FAT4: variants seen among roughly 807,000 people sequenced by gnomAD.
FAT4 encodes the protein FAT atypical cadherin 4, also known as protocadherin Fat 4.
Under a neutral mutation model 303.9 loss-of-function variants are expected in FAT4, and 84 were observed. That is an observed-to-expected ratio of 0.28 (90% confidence interval 0.23 to 0.33). The LOEUF (loss-of-function observed/expected upper bound fraction) is 0.33. Among genes scored for constraint, FAT4 ranks in the 10% least tolerant of loss-of-function variants. The probability of loss-of-function intolerance (pLI) is 1.00; values close to 1 mark genes in which losing one functional copy is unlikely to be tolerated. For missense variants in FAT4, 6,005 were observed against 6,146.8 expected, an observed-to-expected ratio of 0.98 and a Z score of 0.77; for synonymous variants, 2,307 against 2,298.8, an observed-to-expected ratio of 1.00 and a Z score of -0.10.
At chr4:125,427,220 A>G (rs934178580) in intron 7 of FAT4, among the ~76,000 whole-genome samples, 1 of 151,728 alleles carries the variant, frequency 6.6e-6, no homozygotes, top group South Asian at 2.1e-4. Flanking sequence ...AGATGTACTT[A>G]TCATTACATT....
At chr4:125,359,748 G>A (rs1245945928) in intron 2 of FAT4, among the ~76,000 whole-genome samples, 1 of 152,158 alleles carries the variant, frequency 6.6e-6, no homozygotes, top group Non-Finnish European at 1.5e-5. Flanking sequence ...ATAGTGAAAG[G>A]TAACTATGTG....
rs1726012227 is a variant in FAT4, at chr4:125,450,385, G to T, written c.9375G>T (p.Leu3125Phe). Residue 3125 changes from leucine (L) to phenylalanine (F), a missense_variant, in exon 10 of 18, where the codon TTG (leucine) becomes TTT (phenylalanine). Leu to Phe is a conservative substitution (Grantham distance 22). Transcript: ENST00000394329. The part of the protein sequence containing the change: ...ARDRDAAMNG[L>F]IKYSISSGNE... ...ATAGAGATGCAGCGATGAATGGCTT[G>T]ATTAAGTACAGCATTTCTTCAGGAA... 6.2e-7 allele frequency: 1 copy of T among 1,613,942 alleles called. No homozygotes were observed. Among genetic ancestry groups the T allele is most frequent in the African/African-American group, 1.3e-5 (1 of 74,922 alleles).
At chr4:125,367,684 C>G (rs987529783) in intron 2 of FAT4, among the ~76,000 whole-genome samples, 3 of 152,042 alleles carry the variant, frequency 2.0e-5, no homozygotes, top group Non-Finnish European at 4.4e-5. Context: ...CAGTCAGTTT[C>G]CATGAGAGAT....
At chr4:125,337,662 C>T (rs1240786129) in intron 2 of FAT4, among the ~76,000 whole-genome samples, 1 of 151,970 alleles carries the variant, frequency 6.6e-6, no homozygotes, top group Admixed American at 6.6e-5. Flanking sequence ...TATGTAAACA[C>T]AGCCAGATAT....
At chr4:125,339,966 A>C (rs951287191) in intron 2 of FAT4, among the ~76,000 whole-genome samples, 3 of 152,162 alleles carry the variant, frequency 2.0e-5, no homozygotes, top group Non-Finnish European at 4.4e-5. Flanking sequence ...GACAGTTTAA[A>C]AAATATTACT....
intron 2 of FAT4, among the ~76,000 whole-genome samples, chr4:125,396,306 C>T (rs936865096): frequency 2.6e-5 from 4 of 151,678 alleles, no homozygotes; most frequent in East Asian, 1.9e-4. Flanking sequence ...ACACATATAA[C>T]CTAAAAAAAT....
At chr4:125,423,184 G>T (rs1441347925) in intron 7 of FAT4, among the ~76,000 whole-genome samples, 2 of 152,182 alleles carry the variant, frequency 1.3e-5, no homozygotes, top group African/African-American at 2.4e-5. Context: ...GCAGAAATTT[G>T]CATGAGTAAC....
At position 125,440,610 on chromosome 4, in the gene FAT4, T is replaced by TGTGTGTGAGAGAGAGAGAGAGA. The variant is rs372756130; in HGVS notation, c.7200-5682_7200-5681insTGTGTGAGAGAGAGAGAGAGAG. The stretch of plus-strand genomic sequence containing the variant: ...GTGTGTGTGTGTGTGTGTGTGTGTG[T>TGTGTGTGAGAGAGAGAGAGAGA]GAGAGAGAGAGAGAGAGAGAGAGAG... On this transcript the variant is annotated intron_variant, in intron 8 of 17. Coordinates refer to ENST00000394329, the MANE Select transcript of FAT4 (RefSeq NM_001291303.3). Among the ~76,000 whole-genome samples the TGTGTGTGAGAGAGAGAGAGAGA allele has an allele frequency of 7.0e-3, 529 of 75,722 alleles. 2 individuals are homozygous for TGTGTGTGAGAGAGAGAGAGAGA. The highest frequency in any genetic ancestry group is 0.014 in the East Asian group (30 of 2,198). The allele number at this position is 75,722 out of a possible 152,430, so 49.7% of individuals were successfully genotyped here.
At chr4:125,369,227 T>C (rs995744431) in intron 2 of FAT4, among the ~76,000 whole-genome samples, 1 of 152,198 alleles carries the variant, frequency 6.6e-6, no homozygotes, top group African/African-American at 2.4e-5. Context: ...ACCTCTAATC[T>C]GAATTGAATG....
chr4:125,425,034 G>A (rs546218677), intron 7 of FAT4, among the ~76,000 whole-genome samples: 8 of 152,262 alleles, frequency 5.3e-5, no homozygotes, highest in East Asian at 1.9e-4. Flanking sequence ...GAGATGTCAC[G>A]TAGAAAGTTA....
intron 3 of FAT4, among the ~76,000 whole-genome samples, chr4:125,402,575 A>G (rs1734428990): frequency 6.6e-6 from 1 of 152,028 alleles, no homozygotes; most frequent in Non-Finnish European, 1.5e-5. Context: ...TCATTTTACT[A>G]AATGTTAAGA....
Position 125,450,681 on chromosome 4 carries a change from A to G in FAT4, c.9671A>G (p.Asp3224Gly). 6.2e-7 allele frequency: 1 copy of G among 1,614,046 alleles called. No individual in the cohort carries two copies. Among genetic ancestry groups the G allele is most frequent in the Non-Finnish European group, 8.5e-7 (1 of 1,179,984 alleles). The change falls in exon 10 of 18, where the codon GAC (aspartate) becomes GGC (glycine). Residue 3224 changes from aspartate (D) to glycine (G), a missense_variant. Transcript: ENST00000394329. The stretch of plus-strand genomic sequence containing the variant: ...ATCCACCTAAATGCAACAGATGCTG[A>G]CTCTGGAACAAATGCTGTGATTGCG... ...TVIHLNATDA[D>G]SGTNAVIAYT...
intron 15 of FAT4, among the ~76,000 whole-genome samples, chr4:125,480,467 G>A (rs569021266): frequency 7.2e-5 from 11 of 151,912 alleles, no homozygotes; most frequent in African/African-American, 1.9e-4. Flanking sequence ...CTCTAATTTC[G>A]AGCTGCACAT....
At chr4:125,397,769 A>T (rs1285505045) in intron 2 of FAT4, among the ~76,000 whole-genome samples, 1 of 152,152 alleles carries the variant, frequency 6.6e-6, no homozygotes, top group African/African-American at 2.4e-5. Context: ...CTTCCTGGGA[A>T]AGGAGAAATC....
In FAT4 at chr4:125,491,178, G is replaced by A. The variant is rs138173652; in HGVS notation, c.14362G>A (p.Gly4788Arg). The stretch of plus-strand genomic sequence containing the variant: ...TCCACTGGAATCTTCTCCTCCAGTC[G>A]GACTTTCTATTGAAGAAGTGGAGAG... ...QIPLESSPPV[G>R]LSIEEVERLN... The change falls in exon 18 of 18, where the codon GGA becomes AGA. Residue 4788 changes from glycine (G) to arginine (R), a missense_variant. Transcript: ENST00000394329. 1.1e-4 allele frequency: 174 copies of A among 1,614,052 alleles called. No individual in the cohort carries two copies. Among genetic ancestry groups the A allele is most frequent in the Admixed American group, 2.5e-4 (15 of 60,010 alleles).
chr4:125,454,710 G>A (rs925104270), intron 10 of FAT4, among the ~76,000 whole-genome samples: 1 of 152,122 alleles, frequency 6.6e-6, no homozygotes, highest in Non-Finnish European at 1.5e-5. Flanking sequence ...GCAGGTGCCT[G>A]TAATCTCAGC....
chr4:125,461,571 A>G (rs1050496550), intron 10 of FAT4, among the ~76,000 whole-genome samples: 16 of 152,042 alleles, frequency 1.1e-4, no homozygotes, highest in African/African-American at 3.9e-4. Context: ...AAATACATAT[A>G]TAAGTCTATG....
intron 2 of FAT4, among the ~76,000 whole-genome samples, chr4:125,357,723 G>A (rs1458660287): frequency 6.6e-6 from 1 of 152,068 alleles, no homozygotes; most frequent in Non-Finnish European, 1.5e-5. Context: ...AACACTGCTG[G>A]CATGTGCTTT....
chr4:125,449,374 C>T lies in FAT4; in HGVS notation c.8364C>T (p.Pro2788=). The part of the protein sequence containing the change: ...IFSAHVPENS[P]LGYTVTRVTT... ...GTGCCCATGTTCCTGAAAATTCCCC[C>T]TTAGGATACACAGTTACCCGTGTCA... Residue 2788 remains proline, a synonymous_variant, in exon 10 of 18, where the codon CCC becomes CCT. Coordinates refer to ENST00000394329, the MANE Select transcript of FAT4 (RefSeq NM_001291303.3). The T allele has an allele frequency of 6.2e-7, 1 of 1,613,708 alleles. No homozygotes were observed. The highest frequency in any genetic ancestry group is 2.2e-5 in the East Asian group (1 of 44,852).
Sources: gnomAD v4.1 joint callset for allele counts (sites outside exome capture counted in the v4.1 genomes callset) on GRCh38, gnomAD v4.1.1 for gene constraint, MANE v1.5 for transcripts, NCBI Gene and HGNC (gene_info 2026-07-23, HGNC 2026-07-21) for gene names.